The following FAM53B variants were observed in gnomAD, a reference collection of about 807,000 sequenced individuals.
FAM53B encodes family with sequence similarity 53 member B.
FAM53B carries 12 observed loss-of-function variants against 32.7 expected under a neutral mutation model. The observed-to-expected ratio is 0.37, with a 90% CI of 0.24 to 0.59. The LOEUF is 0.59. Among genes scored for constraint, FAM53B ranks in the 20% least tolerant of loss-of-function variants. The pLI is 0.72. For synonymous variants in FAM53B, 234 were observed against 228.7 expected (o/e 1.02, Z -0.21); for missense variants, 477 against 577.7 (o/e 0.83, Z 1.79).
intron 3 of FAM53B, among the ~76,000 whole-genome samples, chr10:124,685,183 G>A (rs1253794403): frequency 1.3e-5 from 2 of 152,226 alleles, no homozygotes; most frequent in Non-Finnish European, 2.9e-5. Flanking sequence ...GTAAAGGTAA[G>A]AAAGAAATAA....
At position 124,733,898 on chromosome 10, in the gene FAM53B, C is replaced by T. The variant is rs1308295059; in HGVS notation, c.-175+10115G>A. 1.3e-5 allele frequency among the ~76,000 whole-genome samples: 2 copies of T among 152,230 alleles called. No individual in the cohort carries two copies. The highest frequency in any genetic ancestry group is 2.9e-5 in the Non-Finnish European group (2 of 68,030). ...GCTCCCCTCTGAAATCTACACTCGT[C>T]TCACTCAGGCTCCAGGTCTCCCAGA... On this transcript the variant is annotated intron_variant, in intron 1 of 4. Coordinates refer to ENST00000337318, the MANE Select transcript of FAM53B (RefSeq NM_014661.4). This position sits in a 1 kb window ranked among gnomAD's most constrained non-coding sequence, Gnocchi z 4.3.
intron 2 of FAM53B, among the ~76,000 whole-genome samples, chr10:124,699,355 T>C (rs888908351): frequency 5.3e-5 from 8 of 152,226 alleles, no homozygotes; most frequent in Admixed American, 1.3e-4. Context: ...CAGAAGTCAC[T>C]GTCTCCCAAA....
chr10:124,714,628 G>A (rs187462612), intron 1 of FAM53B, among the ~76,000 whole-genome samples: 446 of 151,594 alleles, frequency 2.9e-3, no homozygotes, highest in Non-Finnish European at 4.4e-3. Context: ...GTGTGGTGGC[G>A]CACGCCTGTA....
intron 1 of FAM53B, among the ~76,000 whole-genome samples, chr10:124,726,980 A>G (rs956693431): frequency 2.7e-4 from 41 of 152,316 alleles, no homozygotes; most frequent in Non-Finnish European, 1.9e-4. Flanking sequence ...TTCCCTTGCA[A>G]TATCTATTAA....
At chr10:124,632,474 C>T (rs1411665904) in intron 4 of FAM53B, among the ~76,000 whole-genome samples, 7 of 152,218 alleles carry the variant, frequency 4.6e-5, no homozygotes, top group African/African-American at 7.2e-5. Context: ...TGAATAGAGT[C>T]GACCAGCAGG....
At chr10:124,713,556 T>G (rs1192371743) in intron 1 of FAM53B, 1 of 152,218 alleles carries the variant, frequency 6.6e-6, no homozygotes, top group African/African-American at 2.4e-5. Flanking sequence ...CAAAAGAGGA[T>G]TGCATGCTAA....
At chr10:124,736,833 G>A (rs1203366836) in intron 1 of FAM53B, among the ~76,000 whole-genome samples, 3 of 152,228 alleles carry the variant, frequency 2.0e-5, no homozygotes, top group Admixed American at 6.5e-5. Context: ...GCCCACCCAC[G>A]CCCCCTCCTA....
intron 4 of FAM53B, among the ~76,000 whole-genome samples, chr10:124,655,579 C>T (rs1036346967): frequency 6.6e-6 from 1 of 152,174 alleles, no homozygotes; most frequent in Admixed American, 6.5e-5. Flanking sequence ...CTCCAGGTAA[C>T]GCCCACTGTC....
At chr10:124,657,679 T>C (rs1254369814) in intron 4 of FAM53B, among the ~76,000 whole-genome samples, 2 of 152,248 alleles carry the variant, frequency 1.3e-5, no homozygotes, top group African/African-American at 2.4e-5. Context: ...TGAGCTGATA[T>C]ACAAGTGTTT....
At chr10:124,707,541 C>T (rs1263111046) in intron 1 of FAM53B, among the ~76,000 whole-genome samples, 1 of 152,204 alleles carries the variant, frequency 6.6e-6, no homozygotes, top group African/African-American at 2.4e-5. Context: ...AGTTCGAGAC[C>T]AGCCCGGTCA....
At chr10:124,638,297 G>A (rs926847564) in intron 4 of FAM53B, among the ~76,000 whole-genome samples, 2 of 152,272 alleles carry the variant, frequency 1.3e-5, no homozygotes, top group South Asian at 4.1e-4. Context: ...ATGAACCTGG[G>A]AGGCGGAGCT....
rs150953632 is a variant in FAM53B at position 124,672,693 on chromosome 10, G to A, written c.906+8914C>T. On this transcript the variant is annotated intron_variant, in intron 4 of 4. Transcript: ENST00000337318. ...TCAGAATGCGCAGCCACTTTCAAATGGACAAGAACAGAGAAGCTTGGGCAA... is the reference window on the plus strand; with the variant it reads ...TCAGAATGCGCAGCCACTTTCAAATAGACAAGAACAGAGAAGCTTGGGCAA... 2.0e-5 allele frequency among the ~76,000 whole-genome samples: 3 copies of A among 152,338 alleles called. No homozygotes were observed. In the East Asian group the frequency reaches 5.8e-4, roughly 29 times the overall value.
At chr10:124,641,514 C>T (rs1949472919) in intron 4 of FAM53B, among the ~76,000 whole-genome samples, 1 of 152,224 alleles carries the variant, frequency 6.6e-6, no homozygotes, top group African/African-American at 2.4e-5. Flanking sequence ...CTTCTATCAG[C>T]AAGTGGCTAC....
intron 3 of FAM53B, among the ~76,000 whole-genome samples, chr10:124,686,532 A>C (rs1013133629): frequency 3.3e-5 from 5 of 152,328 alleles, no homozygotes; most frequent in African/African-American, 1.2e-4. Context: ...CTCCTCATTT[A>C]AAAAGCCAAC....
intron 4 of FAM53B, among the ~76,000 whole-genome samples, chr10:124,635,477 G>A (rs1030408669): frequency 1.3e-5 from 2 of 152,184 alleles, no homozygotes; most frequent in African/African-American, 4.8e-5. Flanking sequence ...CAACTGATTA[G>A]AAAAACGCAA....
chr10:124,717,917 A>G (rs1412346023), intron 1 of FAM53B, among the ~76,000 whole-genome samples: 1 of 152,058 alleles, frequency 6.6e-6, no homozygotes, highest in African/African-American at 2.4e-5. Context: ...CTGCAGGACA[A>G]TCCACCCCCA....
intron 1 of FAM53B, among the ~76,000 whole-genome samples, chr10:124,736,327 G>A (rs867269741): frequency 1.3e-5 from 2 of 152,364 alleles, no homozygotes; most frequent in Middle Eastern, 3.4e-3. Context: ...GGGGAGAGCG[G>A]TTCCTACGGC....
Position 124,619,644 on chromosome 10 carries a change from C to T in FAM53B, c.*3598G>A, listed in dbSNP as rs1002137169. 3 of 151,270 alleles carry T rather than the reference C, an allele frequency of 2.0e-5. No homozygotes were observed. Among genetic ancestry groups the T allele is most frequent in the Non-Finnish European group, 3.0e-5 (2 of 67,754 alleles). 9.4% of individuals were successfully genotyped at this position (151,270 alleles called of 1,614,324 possible). A position where few individuals can be genotyped will look rare whatever the true frequency, so the allele number is the denominator to read the frequency against. On this transcript the variant is annotated 3_prime_UTR_variant, in exon 5 of 5. Transcript: ENST00000337318. ...TATCTAGGCTACAAGATCTCCACTTCGGTCTGCCATTAAAAAAAAAAAAAA... is the reference window on the plus strand; with the variant it reads ...TATCTAGGCTACAAGATCTCCACTTTGGTCTGCCATTAAAAAAAAAAAAAA...
At chr10:124,728,974 T>C (rs1392563477) in intron 1 of FAM53B, among the ~76,000 whole-genome samples, 1 of 152,164 alleles carries the variant, frequency 6.6e-6, no homozygotes, top group Non-Finnish European at 1.5e-5. Flanking sequence ...CAAGCCACAC[T>C]CTCTCAGGGA....
Sources: allele counts gnomAD v4.1 joint callset (sites outside exome capture counted in the v4.1 genomes callset), GRCh38; gene constraint gnomAD v4.1.1; non-coding constraint Gnocchi (gnomAD v3.1); transcripts MANE v1.5; gene names NCBI Gene and HGNC (gene_info 2026-07-23, HGNC 2026-07-21).